Variants in CDH18 observed in about 807,000 individuals in gnomAD.
CDH18 encodes cadherin-18.
Under a neutral mutation model 67.9 loss-of-function variants are expected in CDH18, and 31 were observed. The ratio of observed to expected loss-of-function variants is 0.46; its 90% CI spans 0.34 to 0.62. The LOEUF is 0.62. Among genes scored for constraint, CDH18 ranks in the 20% least tolerant of loss-of-function variants. The pLI is 0.01. For missense variants in CDH18, 890 were observed against 975.5 expected, an observed-to-expected ratio of 0.91 and a Z score of 1.17; for synonymous variants, 362 against 347.2, an observed-to-expected ratio of 1.04 and a Z score of -0.48.
At chr5:20,151,243 G>A (rs1017221242) in intron 2 of CDH18, among the ~76,000 whole-genome samples, 6 of 151,920 alleles carry the variant, frequency 3.9e-5, no homozygotes, top group African/African-American at 1.5e-4. Context: ...GTGGTATTTG[G>A]TTTCATGTTC....
At chr5:20,102,998 A>T (rs1471920910) in intron 2 of CDH18, among the ~76,000 whole-genome samples, 1 of 152,206 alleles carries the variant, frequency 6.6e-6, no homozygotes, top group African/African-American at 2.4e-5. Flanking sequence ...TGTGTCTAAG[A>T]ACTGTTTCAA....
At chr5:20,146,627 A>G (rs11951205) in intron 2 of CDH18, among the ~76,000 whole-genome samples, 1 of 151,634 alleles carries the variant, frequency 6.6e-6, no homozygotes, top group Non-Finnish European at 1.5e-5. Context: ...TAAAAAAAAA[A>G]AAAATAAAAT....
chr5:20,539,295 G>T (rs1439247602), intron 1 of CDH18, among the ~76,000 whole-genome samples: 1 of 152,056 alleles, frequency 6.6e-6, no homozygotes. Flanking sequence ...ATCATCGTCT[G>T]TGAGAAACTG....
intron 2 of CDH18, among the ~76,000 whole-genome samples, chr5:20,116,154 A>T (rs1747889676): frequency 6.6e-6 from 1 of 152,146 alleles, no homozygotes; most frequent in Non-Finnish European, 1.5e-5. Context: ...TGCAGTGAGG[A>T]TATCCAGTAT....
chr5:20,299,437 CACACACACACACAA>C (rs1253945644), intron 1 of CDH18, among the ~76,000 whole-genome samples: 4 of 145,206 alleles, frequency 2.8e-5, no homozygotes, highest in African/African-American at 8.1e-5. Flanking sequence ...CACACACACA[CACACACACACACAA>C]AATGAGTCAT....
At chr5:20,514,526 C>T (rs1034387155) in intron 1 of CDH18, among the ~76,000 whole-genome samples, 1 of 152,018 alleles carries the variant, frequency 6.6e-6, no homozygotes, top group Admixed American at 6.6e-5. Flanking sequence ...TTTTGATGAT[C>T]GTTGACAAGG....
At chr5:20,268,681 T>A (rs904878894) in intron 1 of CDH18, among the ~76,000 whole-genome samples, 5 of 152,106 alleles carry the variant, frequency 3.3e-5, no homozygotes, top group Non-Finnish European at 5.9e-5. Flanking sequence ...GCCATAATTA[T>A]GTACTGGATA....
At chr5:20,369,742 C>T (rs527885527) in intron 1 of CDH18, among the ~76,000 whole-genome samples, 1 of 152,270 alleles carries the variant, frequency 6.6e-6, no homozygotes, top group South Asian at 2.1e-4. Context: ...TGCCTATCTG[C>T]TTAATAAACC....
intron 1 of CDH18, among the ~76,000 whole-genome samples, chr5:20,326,499 C>T (rs547659701): frequency 6.7e-6 from 1 of 150,150 alleles, no homozygotes; most frequent in African/African-American, 2.4e-5. Context: ...AATCATTTGG[C>T]AATGTAGATG....
chr5:20,007,600 T>A (rs1183343150), intron 2 of CDH18, among the ~76,000 whole-genome samples: 2 of 151,578 alleles, frequency 1.3e-5, no homozygotes, highest in African/African-American at 4.8e-5. Flanking sequence ...AGTGCAGAAT[T>A]AGCAAGAGAG....
chr5:20,308,794 G>A lies in CDH18; in HGVS notation c.-579-53289C>T, dbSNP rs571442555. On this transcript the variant is annotated intron_variant, in intron 1 of 14. Coordinates refer to the CDH18 transcript ENST00000507958. Reference sequence around the variant, plus strand: ...TAACTCATTTCATTTTTAAATGGCTGTATCTATGCCACATTGAAAACCAAG... The same window carrying A: ...TAACTCATTTCATTTTTAAATGGCTATATCTATGCCACATTGAAAACCAAG... 1.5e-4 allele frequency among the ~76,000 whole-genome samples: 23 copies of A among 152,190 alleles called. No individual in the cohort carries two copies. The South Asian group carries it at 4.6e-3, about 30-fold the overall frequency.
intron 2 of CDH18, among the ~76,000 whole-genome samples, chr5:19,876,686 A>AC (rs11437629): frequency 0.9 from 136,385 of 152,044 alleles, 61,259 homozygotes; most frequent in Non-Finnish European, 0.92. Context: ...TGTATGGGAT[A>AC]ATGCTTGTCT....
At chr5:20,160,720 G>C (rs1489804412) in intron 2 of CDH18, among the ~76,000 whole-genome samples, 1 of 152,072 alleles carries the variant, frequency 6.6e-6, no homozygotes, top group African/African-American at 2.4e-5. Flanking sequence ...AATGAGCAAG[G>C]CTCTTTACAG....
At chr5:19,480,473 G>T (rs1176138292) in intron 12 of CDH18, among the ~76,000 whole-genome samples, 2 of 151,436 alleles carry the variant, frequency 1.3e-5, no homozygotes, top group Non-Finnish European at 2.9e-5. Context: ...CGCCTCCCGG[G>T]CTCACGCCAT....
chr5:19,620,459 G>A (rs139309030), intron 5 of CDH18, among the ~76,000 whole-genome samples: 193 of 152,172 alleles, frequency 1.3e-3, no homozygotes, highest in Middle Eastern at 6.8e-3. Context: ...ATTAGCTCAA[G>A]GAATTTAGCC....
intron 9 of CDH18, among the ~76,000 whole-genome samples, chr5:19,534,991 G>A (rs1040176985): frequency 2.6e-5 from 4 of 152,076 alleles, no homozygotes; most frequent in Non-Finnish European, 4.4e-5. Context: ...TTATGTAAGT[G>A]AGACATGTTG....
At chr5:20,113,635 C>A (rs1171917689) in intron 2 of CDH18, among the ~76,000 whole-genome samples, 1 of 152,066 alleles carries the variant, frequency 6.6e-6, no homozygotes, top group African/African-American at 2.4e-5. Context: ...CAATGACAGC[C>A]TCATAGGTTA....
intron 7 of CDH18, among the ~76,000 whole-genome samples, chr5:19,586,134 T>C (rs1744096096): frequency 6.6e-6 from 1 of 152,166 alleles, no homozygotes; most frequent in African/African-American, 2.4e-5. Flanking sequence ...ACAGAGGAAA[T>C]ACTCTAACAA....
chr5:20,486,689 AT>A (rs958644245), intron 1 of CDH18, among the ~76,000 whole-genome samples: 44 of 149,850 alleles, frequency 2.9e-4, no homozygotes, highest in African/African-American at 1.1e-3. Context: ...TTGTATATAT[AT>A]ATATATATAC....
Sources: gnomAD v4.1 joint callset for allele counts (sites outside exome capture counted in the v4.1 genomes callset) on GRCh38, gnomAD v4.1.1 for gene constraint, MANE v1.5 for transcripts, NCBI Gene and HGNC (gene_info 2026-07-23, HGNC 2026-07-21) for gene names.